Variants in ZDHHC2 observed in about 807,000 individuals in gnomAD.
ZDHHC2 encodes palmitoyltransferase ZDHHC2.
Under a neutral mutation model 55.6 loss-of-function variants are expected in ZDHHC2, and 51 were observed. The observed-to-expected ratio is 0.92, with a 90% confidence interval of 0.73 to 1.16. ZDHHC2 has a LOEUF of 1.16. Among genes scored for constraint, ZDHHC2 ranks in the 50% most tolerant of loss-of-function variants. The pLI is 0.00. For synonymous variants in ZDHHC2, 199 were observed against 152.9 expected, an observed-to-expected ratio of 1.30 and a Z score of -2.22; for missense variants, 491 against 442.4, an observed-to-expected ratio of 1.11 and a Z score of -0.99.
intron 1 of ZDHHC2, among the ~76,000 whole-genome samples, chr8:17,183,938 A>G (rs779670125): frequency 6.6e-6 from 1 of 152,114 alleles, no homozygotes; most frequent in Non-Finnish European, 1.5e-5. Flanking sequence ...CTCTGGTTCC[A>G]GGCTTCAGAA....
At chr8:17,176,362 A>G (rs568005990) in intron 1 of ZDHHC2, among the ~76,000 whole-genome samples, 1 of 152,198 alleles carries the variant, frequency 6.6e-6, no homozygotes, top group South Asian at 2.1e-4. Context: ...TTCTATTTTG[A>G]AGCTACTTAT....
rs201971291 is a variant in ZDHHC2 at position 17,220,034 on chromosome 8, T to G, written c.*35-222T>G. Among the ~76,000 whole-genome samples, 4 of 478 alleles carry G rather than the reference T, an allele frequency of 8.4e-3. No homozygotes were observed. The Non-Finnish European group carries it at 0.5, about 60-fold the overall frequency. The allele number at this position is 478 out of a possible 152,430, so 0.3% of individuals were successfully genotyped here. On this transcript the variant is annotated intron_variant, in intron 12 of 12. Coordinates refer to ENST00000262096, the MANE Select transcript of ZDHHC2 (RefSeq NM_016353.5). ...AGACCTACTGAATCAGAGTCTGCAA[T>G]TTTTTTTTTTGCATTTTAATAGGAT... is the stretch of plus-strand genomic sequence containing the variant.
intron 6 of ZDHHC2, among the ~76,000 whole-genome samples, chr8:17,201,294 C>T (rs945608017): frequency 6.6e-6 from 1 of 151,876 alleles, no homozygotes; most frequent in Admixed American, 6.6e-5. Context: ...GTACAAGTGA[C>T]TACACTATTG....
chr8:17,180,353 C>A (rs117618836), intron 1 of ZDHHC2, among the ~76,000 whole-genome samples: 2 of 151,950 alleles, frequency 1.3e-5, no homozygotes, highest in African/African-American at 4.8e-5. Flanking sequence ...ATGACACATC[C>A]GTTTAAAAAG....
chr8:17,181,976 A>C (rs976299069), intron 1 of ZDHHC2, among the ~76,000 whole-genome samples: 3 of 152,180 alleles, frequency 2.0e-5, no homozygotes, highest in African/African-American at 7.2e-5. Context: ...GAAACTTTGA[A>C]CTTGACAACT....
At chr8:17,177,787 G>A (rs1805223029) in intron 1 of ZDHHC2, among the ~76,000 whole-genome samples, 1 of 151,594 alleles carries the variant, frequency 6.6e-6, no homozygotes, top group African/African-American at 2.4e-5. Flanking sequence ...TGTGTGTGTG[G>A]GGGTGGGGGG....
chr8:17,166,512 G>A (rs1043174292), intron 1 of ZDHHC2, among the ~76,000 whole-genome samples: 2 of 152,180 alleles, frequency 1.3e-5, no homozygotes, highest in African/African-American at 2.4e-5. Flanking sequence ...GGAGAGAGGT[G>A]TAGAATGTGG....
chr8:17,197,665 T>A lies in ZDHHC2; in HGVS notation c.443+14T>A. 6.2e-7 allele frequency: 1 copy of A among 1,608,952 alleles called. No individual in the cohort carries two copies. Among genetic ancestry groups the A allele is most frequent in the African/African-American group, 1.3e-5 (1 of 74,822 alleles). ...CGTCTGTGATAAGTAAGAGAACCTT[T>A]AACTTCTAAAATATCTACATGCTGG... On this transcript the variant is annotated intron_variant, in intron 5 of 12. Coordinates refer to ENST00000262096, the MANE Select transcript of ZDHHC2 (RefSeq NM_016353.5).
At chr8:17,176,177 A>G (rs1805120160) in intron 1 of ZDHHC2, among the ~76,000 whole-genome samples, 1 of 152,190 alleles carries the variant, frequency 6.6e-6, no homozygotes, top group Non-Finnish European at 1.5e-5. Flanking sequence ...ATGAATTTTC[A>G]GGGAATTGTG....
intron 1 of ZDHHC2, among the ~76,000 whole-genome samples, chr8:17,171,708 C>A (rs1178015528): frequency 6.6e-6 from 1 of 151,736 alleles, no homozygotes; most frequent in African/African-American, 2.4e-5. Flanking sequence ...TTGAATTCCG[C>A]CACGTGTGAC....
intron 1 of ZDHHC2, among the ~76,000 whole-genome samples, chr8:17,172,456 T>A: frequency 6.6e-6 from 1 of 152,130 alleles, no homozygotes; most frequent in South Asian, 2.1e-4. Context: ...GGGCTGCAGT[T>A]TAGTGGGTAC....
Position 17,167,599 on chromosome 8 carries a change from A to G in ZDHHC2, c.130+10746A>G, listed in dbSNP as rs548278784. Among the ~76,000 whole-genome samples the G allele has an allele frequency of 1.8e-3, 274 of 152,270 alleles. 1 individual carries two copies. The highest frequency in any genetic ancestry group is 2.9e-3 in the Non-Finnish European group (196 of 68,018). On this transcript the variant is annotated intron_variant, in intron 1 of 12. Transcript: ENST00000262096. ...GCGTGAGCCACCACGCCCGGCCACA[A>G]GCTGGTAATATTTTTATGGTTTCAC...
intron 6 of ZDHHC2, among the ~76,000 whole-genome samples, chr8:17,198,752 A>G (rs1167898822): frequency 6.6e-6 from 1 of 152,228 alleles, no homozygotes; most frequent in Non-Finnish European, 1.5e-5. Context: ...TATACATAGT[A>G]CCTCACTGGA....
At chr8:17,178,195 T>A (rs1197320983) in intron 1 of ZDHHC2, among the ~76,000 whole-genome samples, 1 of 152,168 alleles carries the variant, frequency 6.6e-6, no homozygotes, top group East Asian at 1.9e-4. Context: ...CTGCTGTATC[T>A]CATTAGATAC....
intron 1 of ZDHHC2, among the ~76,000 whole-genome samples, chr8:17,164,215 A>G (rs1405395356): frequency 6.6e-6 from 1 of 152,200 alleles, no homozygotes; most frequent in Non-Finnish European, 1.5e-5. Context: ...TGACTTTTAA[A>G]TTCAGTTATA....
rs775148018 is a variant in ZDHHC2, at chr8:17,209,959, A to C, written c.758A>C (p.His253Pro). The C allele has an allele frequency of 2.5e-6, 4 of 1,611,088 alleles. No homozygotes were observed. The highest frequency in any genetic ancestry group is 1.6e-4 in the Middle Eastern group (1 of 6,076). The change falls in exon 9 of 13, where the codon CAT becomes CCT. Residue 253 changes from histidine to proline, a missense_variant. His to Pro is a moderately conservative substitution (Grantham distance 77). Coordinates refer to ENST00000262096, the MANE Select transcript of ZDHHC2 (RefSeq NM_016353.5). ...LEAFRSPVFR[H>P]GTDKNGFSLG... ...GCATTCAGAAGTCCAGTATTTCGACATGGAACAGATAAGAATGGATTCAGC... is the reference window on the plus strand; with the variant it reads ...GCATTCAGAAGTCCAGTATTTCGACCTGGAACAGATAAGAATGGATTCAGC...
At chr8:17,181,150 C>G (rs1476678444) in intron 1 of ZDHHC2, among the ~76,000 whole-genome samples, 1 of 152,108 alleles carries the variant, frequency 6.6e-6, no homozygotes, top group Non-Finnish European at 1.5e-5. Flanking sequence ...TTCATGCCCA[C>G]AAAAGAAAAA....
chr8:17,167,673 C>T (rs1427598819), intron 1 of ZDHHC2, among the ~76,000 whole-genome samples: 3 of 152,058 alleles, frequency 2.0e-5, no homozygotes, highest in Non-Finnish European at 4.4e-5. Flanking sequence ...AAAATGCTAT[C>T]TGTAATGAGA....
rs767029208 is a variant in ZDHHC2, at chr8:17,217,236, A to G, written c.*24A>G. The stretch of plus-strand genomic sequence containing the variant: ...AACTCTTCAAGCAAGATAAATTCAT[A>G]CTTTATAAAAGTACGATAATTTTCC... On this transcript the variant is annotated 3_prime_UTR_variant, in exon 12 of 13. Transcript: ENST00000262096. 1.3e-6 allele frequency: 2 copies of G among 1,599,540 alleles called. No individual in the cohort carries two copies. Among genetic ancestry groups the G allele is most frequent in the South Asian group, 1.1e-5 (1 of 89,054 alleles).
Sources: allele counts gnomAD v4.1 joint callset (sites outside exome capture counted in the v4.1 genomes callset), GRCh38; gene constraint gnomAD v4.1.1; transcripts MANE v1.5; gene names NCBI Gene and HGNC (gene_info 2026-07-23, HGNC 2026-07-21).